The following KCNAB1 variants were observed in gnomAD, a reference collection of about 807,000 sequenced individuals.
KCNAB1 encodes voltage-gated potassium channel subunit beta-1.
Under a neutral mutation model 64.6 loss-of-function variants are expected in KCNAB1, and 35 were observed. The observed-to-expected ratio is 0.54, with a 90% CI of 0.41 to 0.72. The LOEUF is 0.72. KCNAB1 is among the 30% of genes least tolerant of loss of function. The pLI is 0.00. For synonymous variants in KCNAB1, 177 were observed against 183.8 expected (o/e 0.96, Z 0.30); for missense variants, 401 against 512.9 (o/e 0.78, Z 2.11).
intron 1 of KCNAB1, among the ~76,000 whole-genome samples, chr3:156,342,585 C>CTTTTTTTTTTTTTTTT (rs60982892): frequency 2.1e-4 from 18 of 86,200 alleles, no homozygotes; most frequent in Non-Finnish European, 3.8e-4. Flanking sequence ...CTATGTGTTT[C>CTTTTTTTTTTTTTTTT]TTTTTTTTTT....
At chr3:156,510,471 C>T (rs1166599786) in intron 8 of KCNAB1, among the ~76,000 whole-genome samples, 1 of 152,160 alleles carries the variant, frequency 6.6e-6, no homozygotes, top group Admixed American at 6.5e-5. Context: ...GCCATTTCAT[C>T]AATAACTCCC....
intron 1 of KCNAB1, among the ~76,000 whole-genome samples, chr3:156,259,901 T>A (rs917637342): frequency 1.3e-5 from 2 of 152,194 alleles, no homozygotes; most frequent in African/African-American, 4.8e-5. Context: ...CCACTATTGC[T>A]GCTCTGCCAT....
chr3:156,176,303 G>T, intron 1 of KCNAB1: 2 of 990,324 alleles, frequency 2.0e-6, no homozygotes, highest in Non-Finnish European at 3.3e-6. Context: ...GAAATAATCT[G>T]ATCACTTGTG....
intron 11 of KCNAB1, among the ~76,000 whole-genome samples, chr3:156,521,606 T>A (rs1032174045): frequency 6.6e-6 from 1 of 152,198 alleles, no homozygotes; most frequent in Admixed American, 6.5e-5. Flanking sequence ...AGATTTCACC[T>A]TTTGATTCAT....
chr3:156,153,592 C>G (rs944913545), intron 1 of KCNAB1, among the ~76,000 whole-genome samples: 1 of 152,192 alleles, frequency 6.6e-6, no homozygotes, highest in Non-Finnish European at 1.5e-5. Context: ...GCAGACTGCC[C>G]TCCCCACTGT....
intron 1 of KCNAB1, among the ~76,000 whole-genome samples, chr3:156,270,438 T>A (rs140058939): frequency 6.6e-6 from 1 of 152,176 alleles, no homozygotes; most frequent in Non-Finnish European, 1.5e-5. Flanking sequence ...TTGCTTTTTA[T>A]TTTTTGTGTA....
intron 1 of KCNAB1, among the ~76,000 whole-genome samples, chr3:156,139,695 G>A (rs558063682): frequency 4.2e-5 from 6 of 143,150 alleles, no homozygotes; most frequent in African/African-American, 1.5e-4. Flanking sequence ...GGGTGAAAAT[G>A]GAAATAGGTT....
At chr3:156,122,051 A>C (rs1713375375) in intron 1 of KCNAB1, among the ~76,000 whole-genome samples, 1 of 152,258 alleles carries the variant, frequency 6.6e-6, no homozygotes, top group African/African-American at 2.4e-5. Context: ...ACATTTAAAA[A>C]TTAGCACAAA....
At chr3:156,140,302 G>A (rs1248548953) in intron 1 of KCNAB1, among the ~76,000 whole-genome samples, 1 of 152,152 alleles carries the variant, frequency 6.6e-6, no homozygotes, top group Non-Finnish European at 1.5e-5. Flanking sequence ...CTGACTAAAT[G>A]TCTTAGTTCA....
chr3:156,300,136 T>A (rs1721054961), intron 1 of KCNAB1, among the ~76,000 whole-genome samples: 1 of 152,144 alleles, frequency 6.6e-6, no homozygotes, highest in Non-Finnish European at 1.5e-5. Context: ...GGAGATTCTC[T>A]CCCATTCTCA....
intron 2 of KCNAB1, among the ~76,000 whole-genome samples, chr3:156,451,411 T>C (rs1401654958): frequency 1.3e-5 from 2 of 152,206 alleles, no homozygotes; most frequent in Non-Finnish European, 1.5e-5. Flanking sequence ...TTGGAAATGG[T>C]CTAATAAGGC....
At position 156,463,815 on chromosome 3, in the gene KCNAB1, T is replaced by G. The variant is rs549241677; in HGVS notation, c.527+69T>G. ...TGCTTTTTTGCTGTTAGGCAGTTATTTTACATATAACGTACCAAAATTAAT... is the reference window on the plus strand; with the variant it reads ...TGCTTTTTTGCTGTTAGGCAGTTATGTTACATATAACGTACCAAAATTAAT... On this transcript the variant is annotated intron_variant, in intron 6 of 13. Coordinates refer to ENST00000490337, the MANE Select transcript of KCNAB1 (RefSeq NM_172160.3). 4.8e-5 allele frequency: 61 copies of G among 1,271,988 alleles called. No homozygotes were observed. In the African/African-American group the frequency reaches 7.2e-4, roughly 15 times the overall value. 78.8% of individuals were successfully genotyped at this position (1,271,988 alleles called of 1,614,324 possible). A position where few individuals can be genotyped will look rare whatever the true frequency, so the allele number is the denominator to read the frequency against.
intron 1 of KCNAB1, among the ~76,000 whole-genome samples, chr3:156,189,893 G>T (rs969144144): frequency 6.6e-6 from 1 of 152,178 alleles, no homozygotes; most frequent in Non-Finnish European, 1.5e-5. Flanking sequence ...TAAACAAATC[G>T]CCAATCAAAT....
chr3:156,470,325 C>T (rs923839007), intron 7 of KCNAB1, among the ~76,000 whole-genome samples: 1 of 152,074 alleles, frequency 6.6e-6, no homozygotes, highest in South Asian at 2.1e-4. Context: ...TTTTTAAACC[C>T]CAATTTGAGC....
chr3:156,140,909 T>A (rs1257336959), intron 1 of KCNAB1, among the ~76,000 whole-genome samples: 1 of 152,104 alleles, frequency 6.6e-6, no homozygotes, highest in Non-Finnish European at 1.5e-5. Flanking sequence ...AAGATTCATG[T>A]CAGCAGAGAT....
intron 1 of KCNAB1, among the ~76,000 whole-genome samples, chr3:156,185,083 C>A (rs1345325466): frequency 1.3e-5 from 2 of 152,208 alleles, no homozygotes; most frequent in Non-Finnish European, 2.9e-5. Context: ...AAAATTAAAA[C>A]CCAGGATTCC....
At chr3:156,259,865 G>T (rs552704470) in intron 1 of KCNAB1, among the ~76,000 whole-genome samples, 2 of 152,270 alleles carry the variant, frequency 1.3e-5, no homozygotes, top group East Asian at 3.9e-4. Flanking sequence ...TGGGCAACTC[G>T]GTGAGGCTGC....
At chr3:156,424,869 T>G (rs756560830) in intron 2 of KCNAB1, among the ~76,000 whole-genome samples, 4 of 152,214 alleles carry the variant, frequency 2.6e-5, no homozygotes, top group Non-Finnish European at 5.9e-5. Flanking sequence ...TCAAGTTTTT[T>G]CAAGAGCCTG....
intron 1 of KCNAB1, among the ~76,000 whole-genome samples, chr3:156,144,638 T>C (rs973000973): frequency 2.0e-5 from 3 of 152,194 alleles, no homozygotes; most frequent in African/African-American, 7.2e-5. Context: ...AGCCTGCTTC[T>C]CTGTCCCCCC....
Sources: allele counts gnomAD v4.1 joint callset (sites outside exome capture counted in the v4.1 genomes callset), GRCh38; gene constraint gnomAD v4.1.1; transcripts MANE v1.5; gene names NCBI Gene and HGNC (gene_info 2026-07-23, HGNC 2026-07-21).